SFPQ: variants seen among roughly 807,000 people sequenced by gnomAD.
SFPQ encodes the protein splicing factor proline and glutamine rich.
Under a neutral mutation model 72.9 loss-of-function variants are expected in SFPQ, and 11 were observed. The ratio of observed to expected loss-of-function variants is 0.15; its 90% CI spans 0.09 to 0.25. SFPQ has a LOEUF of 0.25. SFPQ is among the 10% of genes least tolerant of loss of function. The probability of loss-of-function intolerance (pLI) is 1.00; values close to 1 mark genes in which losing one functional copy is unlikely to be tolerated. For missense variants in SFPQ, 847 were observed against 993.3 expected (o/e 0.85, Z 1.98); for synonymous variants, 506 against 367.3 (o/e 1.38, Z -4.32).
chr1:35,183,456 A>G lies in SFPQ; in HGVS notation c.*1000T>C. 7.1e-6 allele frequency: 4 copies of G among 564,678 alleles called. No homozygotes were observed. The highest frequency in any genetic ancestry group is 9.1e-6 in the Non-Finnish European group (4 of 438,820). The allele number at this position is 564,678 out of a possible 1,614,324, so 35.0% of individuals were successfully genotyped here. A position where few individuals can be genotyped will look rare whatever the true frequency, so the allele number is the denominator to read the frequency against. On this transcript the variant is annotated 3_prime_UTR_variant, in exon 10 of 10. Transcript: ENST00000357214. ...CTGGTCTTGAACTCCTGATCTCATGATTTGCCCACCTCAGCCTCCCAAAGT... is the reference window on the plus strand; with the variant it reads ...CTGGTCTTGAACTCCTGATCTCATGGTTTGCCCACCTCAGCCTCCCAAAGT...
chr1:35,192,230 C>G lies in SFPQ; in HGVS notation c.820G>C (p.Asp274His). The G allele has an allele frequency of 1.4e-6, 2 of 1,459,934 alleles. No homozygotes were observed. Among genetic ancestry groups the G allele is most frequent in the Admixed American group, 2.6e-5 (1 of 38,750 alleles). The allele number at this position is 1,459,934 out of a possible 1,614,324, so 90.4% of individuals were successfully genotyped here. ...CTCCCATAGACACTCACCTCCGAGT[C>G]CGAGATCTTCTCCTCGCTGCGGCCG... ...PGGRSEEKIS[D>H]SEGFKANLSL... is the part of the protein sequence containing the mutation. Residue 274 changes from aspartate (D) to histidine (H), a missense_variant, in exon 1 of 10, where the codon GAC (aspartate) becomes CAC (histidine). This residue lies in a region of SFPQ where 498 missense variants were observed against 405.1 expected (regional missense o/e 1.23). Transcript: ENST00000357214.
At chr1:35,177,866 G>C (rs1639311989) in intron 4 of SFPQ, 5 of 275,482 alleles carry the variant, frequency 1.8e-5, no homozygotes, top group Non-Finnish European at 3.0e-5. Flanking sequence ...CAAAAATAAA[G>C]GGATATTATC....
downstream of SFPQ, chr1:35,181,850 G>GA: frequency 1.0e-6 from 1 of 984,190 alleles, no homozygotes; most frequent in African/African-American, 1.7e-5. Context: ...AAGACTTATT[G>GA]AAAGTCTATT....
In SFPQ at chr1:35,191,414, C is replaced by A. The variant is rs755354622; in HGVS notation, c.944G>T (p.Arg315Ile). ...PADITEDEFK[R>I]LFAKYGEPGE... is the part of the protein sequence containing the mutation. ...TGGTTCTCCATATTTAGCAAATAGTCTTTTGAATTCATCCTCCGTGATATC... is the reference window on the plus strand; with the variant it reads ...TGGTTCTCCATATTTAGCAAATAGTATTTTGAATTCATCCTCCGTGATATC... Residue 315 changes from arginine (R) to isoleucine (I), a missense_variant, in exon 2 of 10, where the codon AGA becomes ATA. Transcript: ENST00000357214. The A allele has an allele frequency of 6.2e-7, 1 of 1,614,098 alleles. No individual in the cohort carries two copies. The highest frequency in any genetic ancestry group is 8.5e-7 in the Non-Finnish European group (1 of 1,179,960).
chr1:35,190,864 G>T lies in SFPQ; in HGVS notation c.1149C>A (p.Ser383=). Residue 383 remains serine (S), a synonymous_variant, in exon 3 of 10, where the codon TCC becomes TCA. Transcript: ENST00000357214. ...LSVRNLSPYV[S]NELLEEAFSQ... is the part of the protein sequence containing the mutation. Reference sequence around the variant, plus strand: ...TAAAGGCTTCTTCCAACAGTTCATTGGAAACATAAGGTGAAAGATTACGAA... The same window carrying T: ...TAAAGGCTTCTTCCAACAGTTCATTTGAAACATAAGGTGAAAGATTACGAA... 6.2e-7 allele frequency: 1 copy of T among 1,614,128 alleles called. No homozygotes were observed. Among genetic ancestry groups the T allele is most frequent in the Non-Finnish European group, 8.5e-7 (1 of 1,180,028 alleles).
chr1:35,190,475 CAA>C (rs760293361), intron 4 of SFPQ, 21 bp downstream of exon 4: 2 of 1,537,924 alleles, frequency 1.3e-6, no homozygotes, highest in Middle Eastern at 1.7e-4. Flanking sequence ...TAAAAACTGC[CAA>C]AAAAGTTTAA....
intron 1 of SFPQ, 59 bp downstream of exon 1, chr1:35,192,163 C>T: frequency 1.6e-6 from 2 of 1,279,206 alleles, no homozygotes; most frequent in Non-Finnish European, 2.0e-6. Context: ...GGGGCGGGGG[C>T]GAGGAGGGGG....
intron 1 of SFPQ, 29 bp from the exon 2 acceptor site, chr1:35,191,558 C>T (rs1329014036): frequency 1.3e-6 from 2 of 1,535,382 alleles, no homozygotes; most frequent in Admixed American, 1.9e-5. Flanking sequence ...AGTTTTCAAA[C>T]ACCAGAGACC....
downstream of SFPQ, chr1:35,178,478 T>G (rs978704081): frequency 9.4e-7 from 1 of 1,064,266 alleles, no homozygotes; most frequent in African/African-American, 1.6e-5. Context: ...TCAGCAGGAG[T>G]CCTCCAAGAG....
downstream of SFPQ, chr1:35,179,349 T>C (rs1639373985): frequency 1.9e-6 from 2 of 1,057,768 alleles, no homozygotes; most frequent in Non-Finnish European, 2.3e-6. Flanking sequence ...GTTTGCAACC[T>C]TGCATGAAGA....
intron 7 of SFPQ, among the ~76,000 whole-genome samples, chr1:35,187,640 A>C (rs1309327727): frequency 6.6e-6 from 1 of 152,140 alleles, no homozygotes; most frequent in Admixed American, 6.5e-5. Flanking sequence ...CTGAGGCAGG[A>C]GAATCACTTG....
At position 35,184,504 on chromosome 1, in the gene SFPQ, A is replaced by G; in HGVS notation, c.2076T>C (p.Gly692=). 2 of 1,613,138 alleles carry G rather than the reference A, an allele frequency of 1.2e-6. No individual in the cohort carries two copies. Among genetic ancestry groups the G allele is most frequent in the Non-Finnish European group, 1.7e-6 (2 of 1,179,622 alleles). ...GGCCTTCGTACTCTTCTCTCCCTCT[A>G]CCATATCCTGCTGGAGTTCCAGGCC... ...GMGPGTPAGY[G]RGREEYEGPN... The change falls in exon 10 of 10, where the codon GGT becomes GGC. Residue 692 remains glycine (G), a synonymous_variant. Transcript: ENST00000357214.
downstream of SFPQ, chr1:35,178,372 C>G: frequency 1.9e-6 from 2 of 1,063,446 alleles, no homozygotes; most frequent in Non-Finnish European, 2.3e-6. Flanking sequence ...TTGACCTCAC[C>G]AAATGAGTTT....
At chr1:35,179,902 T>C, downstream of SFPQ, 1 of 1,054,974 alleles carries the variant, frequency 9.5e-7, no homozygotes, top group African/African-American at 1.6e-5. Flanking sequence ...ATCAGGGTTC[T>C]ATGTAATTTA....
chr1:35,187,578 A>G (rs1273007296), intron 7 of SFPQ, among the ~76,000 whole-genome samples: 1 of 152,168 alleles, frequency 6.6e-6, no homozygotes, highest in East Asian at 1.9e-4. Context: ...TAAAAATACA[A>G]AAATTAGCCG....
At chr1:35,181,164 A>AG, downstream of SFPQ, 1 of 1,065,362 alleles carries the variant, frequency 9.4e-7, no homozygotes, top group Non-Finnish European at 1.1e-6. Flanking sequence ...AGAATCTTGG[A>AG]GCAAGCAGGA....
downstream of SFPQ, chr1:35,181,321 C>T: frequency 9.4e-7 from 1 of 1,065,566 alleles, no homozygotes; most frequent in Non-Finnish European, 1.1e-6. Context: ...CACCAGAAAA[C>T]ATTCCGCCAC....
Position 35,192,911 on chromosome 1 carries a change from T to C in SFPQ, c.139A>G (p.Met47Val). 2 of 1,537,336 alleles carry C rather than the reference T, an allele frequency of 1.3e-6. No individual in the cohort carries two copies. The highest frequency in any genetic ancestry group is 1.7e-6 in the Non-Finnish European group (2 of 1,146,162). ...CCGCTCTGGCCCGGGCCAGGACCCA[T>C]GGGGCCGCGATTCTGATTGAGGCCC... is the stretch of plus-strand genomic sequence containing the variant. ...GMGLNQNRGP[M>V]GPGPGQSGPK... Residue 47 changes from methionine to valine, a missense_variant, in exon 1 of 10, where the codon ATG becomes GTG. This residue lies in a region of SFPQ where 498 missense variants were observed against 405.1 expected (regional missense o/e 1.23). Coordinates refer to ENST00000357214, the MANE Select transcript of SFPQ (RefSeq NM_005066.3).
chr1:35,185,055 T>C (rs532241294), intron 9 of SFPQ, among the ~76,000 whole-genome samples: 1 of 152,362 alleles, frequency 6.6e-6, no homozygotes, highest in African/African-American at 2.4e-5. Flanking sequence ...GTTAGTGGCA[T>C]GTGCTGCTTA....
Sources: gnomAD v4.1 joint callset for allele counts (sites outside exome capture counted in the v4.1 genomes callset) on GRCh38, gnomAD v4.1.1 for gene constraint, gnomAD v4.1.1 regional missense constraint, MANE v1.5 for transcripts, NCBI Gene and HGNC (gene_info 2026-07-23, HGNC 2026-07-21) for gene names.